Variants in DRAXIN observed in about 807,000 individuals in gnomAD.
DRAXIN encodes the protein dorsal repulsive axon guidance protein.
In DRAXIN, 27 loss-of-function variants were observed where a neutral mutation model predicts 33.9. The observed-to-expected ratio is 0.80, with a 90% CI of 0.59 to 1.10. DRAXIN has a LOEUF of 1.10. DRAXIN is among the 50% of genes least tolerant of loss of function. The pLI is 0.00. For synonymous variants in DRAXIN, 178 were observed against 194.0 expected, an observed-to-expected ratio of 0.92 and a Z score of 0.69; for missense variants, 371 against 460.8, an observed-to-expected ratio of 0.81 and a Z score of 1.78.
At chr1:11,702,354 AACAC>A (rs145804847) in intron 1 of DRAXIN, among the ~76,000 whole-genome samples, 3,939 of 148,144 alleles carry the variant, frequency 0.027, 76 homozygotes, top group Non-Finnish European at 0.042. Context: ...ATACACTGAC[AACAC>A]ACACACCTAC....
chr1:11,705,373 G>A lies in DRAXIN; in HGVS notation c.-10-876G>A, dbSNP rs1162154985. ...CTGCAGCTTCTCCCTCCAGTGTGGA[G>A]GGAGGGCACTGGGTCCCCTGAGGGG... On this transcript the variant is annotated intron_variant, in intron 1 of 6. Coordinates refer to ENST00000294485, the MANE Select transcript of DRAXIN (RefSeq NM_198545.4). This position sits in a 1 kb window ranked among gnomAD's most constrained non-coding sequence, Gnocchi z 4.8. Among the ~76,000 whole-genome samples, 1 of 152,062 alleles carries A rather than the reference G, an allele frequency of 6.6e-6. No homozygotes were observed. Among genetic ancestry groups the A allele is most frequent in the African/African-American group, 2.4e-5 (1 of 41,416 alleles).
chr1:11,714,191 C>T (rs1243011118), intron 5 of DRAXIN, among the ~76,000 whole-genome samples: 1 of 146,082 alleles, frequency 6.8e-6, no homozygotes, highest in Non-Finnish European at 1.5e-5. Flanking sequence ...GGTGACAGAG[C>T]AAGACCCTGT....
rs535964266 is a variant in DRAXIN, at chr1:11,704,428, G to A, written c.-10-1821G>A. Among the ~76,000 whole-genome samples, 16 of 152,278 alleles carry A rather than the reference G, an allele frequency of 1.1e-4. No individual in the cohort carries two copies. The highest frequency in any genetic ancestry group is 2.6e-4 in the African/African-American group (11 of 41,576). ...GCAGGATTGAGGTTCCCTCTGCGCC[G>A]AACAATGCTTGAGTGACAGGCCTTT... On this transcript the variant is annotated intron_variant, in intron 1 of 6. Coordinates refer to ENST00000294485, the MANE Select transcript of DRAXIN (RefSeq NM_198545.4). This position sits in a 1 kb window ranked among gnomAD's most constrained non-coding sequence, Gnocchi z 4.6.
At chr1:11,690,189 T>A (rs1359634249), upstream of DRAXIN, among the ~76,000 whole-genome samples, 1 of 152,170 alleles carries the variant, frequency 6.6e-6, no homozygotes, top group Admixed American at 6.5e-5. The surrounding 1 kb of genome is among the most constrained non-coding windows in gnomAD (Gnocchi z 4.2). Flanking sequence ...TTCACTAGAA[T>A]CTGAGCTCCA....
intron 2 of DRAXIN, among the ~76,000 whole-genome samples, chr1:11,708,963 C>T (rs1308426463): frequency 1.3e-5 from 2 of 152,216 alleles, no homozygotes; most frequent in Non-Finnish European, 2.9e-5. Flanking sequence ...CTACTAGTTC[C>T]TATTTGTTAT....
upstream of DRAXIN, among the ~76,000 whole-genome samples, chr1:11,689,488 C>T (rs180918459): frequency 4.2e-3 from 636 of 151,570 alleles, 5 homozygotes; most frequent in African/African-American, 0.014. Flanking sequence ...CCCAGCTACT[C>T]GGGAGGCTGA....
chr1:11,700,901 G>A (rs1447372327), intron 1 of DRAXIN, among the ~76,000 whole-genome samples: 2 of 152,206 alleles, frequency 1.3e-5, no homozygotes, highest in Non-Finnish European at 2.9e-5. Context: ...GAGAAGCCTG[G>A]TGGCCGAGCT....
intron 3 of DRAXIN, among the ~76,000 whole-genome samples, 197 bp downstream of exon 3, chr1:11,709,662 C>G (rs986073341): frequency 2.6e-5 from 4 of 152,220 alleles, no homozygotes; most frequent in Non-Finnish European, 4.4e-5. Flanking sequence ...CAAGGGTCTG[C>G]CACTGTCCAG....
chr1:11,719,774 T>C lies in DRAXIN; in HGVS notation c.*78T>C. 1.6e-6 allele frequency: 2 copies of C among 1,281,550 alleles called. No individual in the cohort carries two copies. The highest frequency in any genetic ancestry group is 2.5e-5 in the South Asian group (2 of 79,298). 79.4% of individuals were successfully genotyped at this position (1,281,550 alleles called of 1,614,324 possible). On this transcript the variant is annotated 3_prime_UTR_variant, in exon 7 of 7. Coordinates refer to ENST00000294485, the MANE Select transcript of DRAXIN (RefSeq NM_198545.4). The stretch of plus-strand genomic sequence containing the variant: ...TTTGTTTGTAACTAGCAGTGGGAGA[T>C]CAAGTTGGGGAACAGATGGCTGAGG...
At chr1:11,718,986 C>T (rs1641620046) in intron 6 of DRAXIN, among the ~76,000 whole-genome samples, 1 of 152,138 alleles carries the variant, frequency 6.6e-6, no homozygotes, top group African/African-American at 2.4e-5. Flanking sequence ...CTGCAAGCTC[C>T]ACCTCCCGGG....
intron 1 of DRAXIN, among the ~76,000 whole-genome samples, chr1:11,693,458 C>T (rs1266973307): frequency 6.6e-6 from 1 of 152,176 alleles, no homozygotes; most frequent in Non-Finnish European, 1.5e-5. Context: ...TGACACACCA[C>T]TCCAGGAGTC....
At chr1:11,700,701 T>C (rs980064470) in intron 1 of DRAXIN, among the ~76,000 whole-genome samples, 3 of 152,212 alleles carry the variant, frequency 2.0e-5, no homozygotes, top group Admixed American at 1.3e-4. Context: ...GCTGATGGGC[T>C]CCGGTTCTCC....
In DRAXIN at chr1:11,692,411, C is replaced by G. The variant is rs916513722; in HGVS notation, c.-11+558C>G. On this transcript the variant is annotated intron_variant, in intron 1 of 6. Transcript: ENST00000294485. This position sits in a 1 kb window ranked among gnomAD's most constrained non-coding sequence, Gnocchi z 5.8. ...TGTGGCCGGGGTCGCTGAGTGCGCC[C>G]GGAACCAGCACCGCCGGTGGCCCCG... Among the ~76,000 whole-genome samples the G allele has an allele frequency of 6.6e-6, 1 of 152,114 alleles. No individual in the cohort carries two copies. The highest frequency in any genetic ancestry group is 2.4e-5 in the African/African-American group (1 of 41,426).
At chr1:11,693,972 C>T (rs1641150412) in intron 1 of DRAXIN, among the ~76,000 whole-genome samples, 1 of 152,212 alleles carries the variant, frequency 6.6e-6, no homozygotes, top group African/African-American at 2.4e-5. Flanking sequence ...ACCATCTCCA[C>T]AGTCTGCCCT....
In DRAXIN at chr1:11,706,126, A is replaced by C. The variant is rs1641374935; in HGVS notation, c.-10-123A>C. 2.1e-6 allele frequency: 2 copies of C among 973,014 alleles called. No individual in the cohort carries two copies. Among genetic ancestry groups the C allele is most frequent in the Admixed American group, 6.0e-5 (2 of 33,558 alleles). The allele number at this position is 973,014 out of a possible 1,614,324, so 60.3% of individuals were successfully genotyped here. A position where few individuals can be genotyped will look rare whatever the true frequency, so the allele number is the denominator to read the frequency against. On this transcript the variant is annotated intron_variant, in intron 1 of 6. Coordinates refer to ENST00000294485, the MANE Select transcript of DRAXIN (RefSeq NM_198545.4). The surrounding 1 kb of genome is among the most constrained non-coding windows in gnomAD (Gnocchi z 5.5). Reference sequence around the variant, plus strand: ...TAAAATATGTCTTCGGGCATTGCCAAATGTCACTGGGAGCAAAATGTCCCT... The same window carrying C: ...TAAAATATGTCTTCGGGCATTGCCACATGTCACTGGGAGCAAAATGTCCCT...
In DRAXIN at chr1:11,704,700, CA is replaced by C. The variant is rs535413721; in HGVS notation, c.-10-1548del. The stretch of plus-strand genomic sequence containing the variant: ...TCACAACAAGCCTGTCCCAGGGTCC[CA>C]CGCACGTCACCAAGGCTCACCTAGT... On this transcript the variant is annotated intron_variant, in intron 1 of 6. Coordinates refer to ENST00000294485, the MANE Select transcript of DRAXIN (RefSeq NM_198545.4). This position sits in a 1 kb window ranked among gnomAD's most constrained non-coding sequence, Gnocchi z 4.6. Among the ~76,000 whole-genome samples, 200 of 152,322 alleles carry C rather than the reference CA, an allele frequency of 1.3e-3. No individual in the cohort carries two copies. Among genetic ancestry groups the C allele is most frequent in the African/African-American group, 4.4e-3 (181 of 41,570 alleles).
chr1:11,712,696 T>G (rs1641513348), intron 5 of DRAXIN, among the ~76,000 whole-genome samples: 2 of 150,840 alleles, frequency 1.3e-5, no homozygotes, highest in South Asian at 2.1e-4. Flanking sequence ...GTCAGGAGTT[T>G]GAGAGCATCC....
chr1:11,709,161 T>C (rs1641435605), intron 2 of DRAXIN, 114 bp from the exon 3 acceptor site: 2 of 1,141,484 alleles, frequency 1.8e-6, no homozygotes, highest in Non-Finnish European at 2.4e-6. Context: ...ACCAAGGGCT[T>C]GTCACACAGT....
rs986054873 is a variant in DRAXIN at position 11,692,400 on chromosome 1, C to A, written c.-11+547C>A. ...AGGCTGGGGTGTGTGGCCGGGGTCG[C>A]TGAGTGCGCCCGGAACCAGCACCGC... On this transcript the variant is annotated intron_variant, in intron 1 of 6. Coordinates refer to ENST00000294485, the MANE Select transcript of DRAXIN (RefSeq NM_198545.4). This position sits in a 1 kb window ranked among gnomAD's most constrained non-coding sequence, Gnocchi z 5.8. Among the ~76,000 whole-genome samples, 2 of 152,164 alleles carry A rather than the reference C, an allele frequency of 1.3e-5. No homozygotes were observed. The highest frequency in any genetic ancestry group is 2.9e-5 in the Non-Finnish European group (2 of 68,018).
Sources: allele counts gnomAD v4.1 joint callset (sites outside exome capture counted in the v4.1 genomes callset), GRCh38; gene constraint gnomAD v4.1.1; non-coding constraint Gnocchi (gnomAD v3.1); transcripts MANE v1.5; gene names NCBI Gene and HGNC (gene_info 2026-07-23, HGNC 2026-07-21).